The following DSCAM variants were observed in gnomAD, a reference collection of about 807,000 sequenced individuals.
DSCAM encodes the protein cell adhesion molecule DSCAM.
A neutral mutation model predicts 217.7 loss-of-function variants in DSCAM; 47 were observed. The ratio of observed to expected loss-of-function variants is 0.22; its 90% CI spans 0.17 to 0.28. The LOEUF (loss-of-function observed/expected upper bound fraction) is 0.28, where lower values mean the gene tolerates loss of function less well. Ranked by LOEUF, DSCAM falls within the 10% of genes least tolerant of loss-of-function variation. DSCAM has a pLI of 1.00. For missense variants in DSCAM, 2,080 were observed against 2,618.3 expected (o/e 0.79, Z 4.49); for synonymous variants, 1,056 against 1,015.3 (o/e 1.04, Z -0.76).
intron 3 of DSCAM, among the ~76,000 whole-genome samples, chr21:40,664,113 C>CT (rs1170519507): frequency 6.6e-6 from 1 of 152,140 alleles, no homozygotes. Context: ...TCCTAAGTGT[C>CT]TCCCCTCTCC....
intron 3 of DSCAM, among the ~76,000 whole-genome samples, chr21:40,560,211 T>C (rs1271019216): frequency 6.6e-6 from 1 of 152,158 alleles, no homozygotes; most frequent in African/African-American, 2.4e-5. Context: ...AGACCATGCA[T>C]GTTGTCTCAA....
At chr21:40,701,525 A>C (rs972777267) in intron 2 of DSCAM, among the ~76,000 whole-genome samples, 1 of 152,044 alleles carries the variant, frequency 6.6e-6, no homozygotes, top group Non-Finnish European at 1.5e-5. Flanking sequence ...ACTATTTAAG[A>C]CTTTTTTAAA....
intron 20 of DSCAM, among the ~76,000 whole-genome samples, chr21:40,094,342 T>C (rs942908910): frequency 6.6e-6 from 1 of 152,094 alleles, no homozygotes; most frequent in African/African-American, 2.4e-5. Flanking sequence ...TTATTTCTGA[T>C]AAAATAGAGA....
intron 32 of DSCAM, among the ~76,000 whole-genome samples, chr21:40,021,205 C>CA (rs763435750): frequency 0.32 from 27,372 of 84,742 alleles, 3,977 homozygotes; most frequent in Middle Eastern, 0.43. Context: ...GACTCCGTCT[C>CA]AAAAAAAAAA....
chr21:40,165,398 A>T (rs1186336478), intron 16 of DSCAM, among the ~76,000 whole-genome samples: 1 of 152,248 alleles, frequency 6.6e-6, no homozygotes, highest in Non-Finnish European at 1.5e-5. Context: ...CAGTTAGATC[A>T]CCGGCAAGTC....
chr21:40,544,047 T>G (rs1482509711), intron 3 of DSCAM, among the ~76,000 whole-genome samples: 1 of 152,108 alleles, frequency 6.6e-6, no homozygotes, highest in Non-Finnish European at 1.5e-5. Context: ...GAGTTGGGTT[T>G]AACCAAGAGG....
intron 3 of DSCAM, among the ~76,000 whole-genome samples, chr21:40,657,914 A>C (rs1450713176): frequency 1.3e-5 from 2 of 152,162 alleles, no homozygotes; most frequent in Non-Finnish European, 2.9e-5. Flanking sequence ...TATAAATGAT[A>C]ACCTGTTTAC....
intron 3 of DSCAM, among the ~76,000 whole-genome samples, chr21:40,374,780 C>T (rs1337537412): frequency 2.0e-5 from 3 of 152,168 alleles, no homozygotes; most frequent in African/African-American, 4.8e-5. Context: ...CCTGTGGGAT[C>T]GCAGTGAGAA....
intron 3 of DSCAM, among the ~76,000 whole-genome samples, chr21:40,566,969 C>T (rs903361341): frequency 7.2e-5 from 11 of 151,826 alleles, no homozygotes; most frequent in Non-Finnish European, 1.0e-4. Flanking sequence ...CCTTTCAGTG[C>T]GAAGGAGAAA....
At chr21:40,796,733 T>G (rs1384382705) in intron 1 of DSCAM, among the ~76,000 whole-genome samples, 2 of 152,176 alleles carry the variant, frequency 1.3e-5, no homozygotes, top group Non-Finnish European at 2.9e-5. Flanking sequence ...TGCATTTTAA[T>G]AAAATTCCCA....
At chr21:40,146,168 C>T (rs2090354592) in intron 16 of DSCAM, among the ~76,000 whole-genome samples, 1 of 149,866 alleles carries the variant, frequency 6.7e-6, no homozygotes, top group Admixed American at 6.8e-5. Flanking sequence ...TGTGGAAATG[C>T]ATGGTAAGAA....
At chr21:40,566,486 T>G (rs1426109070) in intron 3 of DSCAM, among the ~76,000 whole-genome samples, 2 of 152,220 alleles carry the variant, frequency 1.3e-5, no homozygotes, top group Non-Finnish European at 2.9e-5. Context: ...TTATCACAAT[T>G]TAGCTTTTCA....
At chr21:40,378,836 G>C (rs1016843794) in intron 3 of DSCAM, among the ~76,000 whole-genome samples, 1 of 151,574 alleles carries the variant, frequency 6.6e-6, no homozygotes, top group Non-Finnish European at 1.5e-5. Context: ...CTCGTGATCC[G>C]CCCGCCTCGG....
intron 3 of DSCAM, among the ~76,000 whole-genome samples, chr21:40,442,896 T>G (rs1224066239): frequency 6.6e-6 from 1 of 152,156 alleles, no homozygotes; most frequent in African/African-American, 2.4e-5. Context: ...TCTGTGAACC[T>G]TGTCTCTCTT....
At chr21:40,652,730 C>A (rs540782177) in intron 3 of DSCAM, among the ~76,000 whole-genome samples, 44 of 152,320 alleles carry the variant, frequency 2.9e-4, no homozygotes, top group African/African-American at 1.0e-3. Context: ...TAGGAGGTAA[C>A]CTCTAAGCTG....
At chr21:40,606,114 A>T (rs1040738477) in intron 3 of DSCAM, among the ~76,000 whole-genome samples, 2 of 152,102 alleles carry the variant, frequency 1.3e-5, no homozygotes, top group Non-Finnish European at 1.5e-5. Context: ...GCACATTCTT[A>T]TTTCCATAAA....
intron 3 of DSCAM, among the ~76,000 whole-genome samples, chr21:40,379,938 C>T (rs1471074328): frequency 4.6e-5 from 7 of 152,032 alleles, no homozygotes; most frequent in African/African-American, 1.7e-4. Context: ...GATCTTGAGC[C>T]GCCTGGAAGA....
At chr21:40,511,729 C>T (rs1372605981) in intron 3 of DSCAM, among the ~76,000 whole-genome samples, 4 of 151,982 alleles carry the variant, frequency 2.6e-5, no homozygotes, top group Non-Finnish European at 5.9e-5. Context: ...CGGTGGCTCA[C>T]GCCTGTAATC....
intron 1 of DSCAM, among the ~76,000 whole-genome samples, chr21:40,726,808 C>T (rs2090960556): frequency 6.6e-6 from 1 of 152,124 alleles, no homozygotes; most frequent in African/African-American, 2.4e-5. Flanking sequence ...GTCATGTAGG[C>T]TCTGCCCTCA....
Sources: gnomAD v4.1 joint callset for allele counts (sites outside exome capture counted in the v4.1 genomes callset) on GRCh38, gnomAD v4.1.1 for gene constraint, MANE v1.5 for transcripts, NCBI Gene and HGNC (gene_info 2026-07-23, HGNC 2026-07-21) for gene names.